MCCC2: variants seen among roughly 807,000 people sequenced by gnomAD.
The protein encoded by MCCC2 is methylcrotonyl-CoA carboxylase subunit 2, also known as methylcrotonoyl-CoA carboxylase beta chain, mitochondrial.
In MCCC2, 52 loss-of-function variants were observed where a neutral mutation model predicts 77.2. The ratio of observed to expected loss-of-function variants is 0.67; its 90% CI spans 0.54 to 0.85. MCCC2 has a LOEUF of 0.85. MCCC2 is among the 40% of genes least tolerant of loss of function. The pLI, the probability that MCCC2 is intolerant of heterozygous loss-of-function variation, is 0.00. For synonymous variants in MCCC2, 253 were observed against 248.4 expected (o/e 1.02, Z -0.18); for missense variants, 682 against 703.2 (o/e 0.97, Z 0.34).
chr5:71,655,276 C>T (rs898845190), intron 16 of MCCC2, among the ~76,000 whole-genome samples: 6 of 152,218 alleles, frequency 3.9e-5, no homozygotes, highest in African/African-American at 1.4e-4. Flanking sequence ...GTAAAATTCC[C>T]TGGCCTGCTT....
intron 8 of MCCC2, among the ~76,000 whole-genome samples, chr5:71,633,131 A>ATATATATTTTTTTTT (rs1554137344): frequency 7.7e-5 from 6 of 78,090 alleles, no homozygotes; most frequent in Admixed American, 1.7e-4. Context: ...ATATATATAT[A>ATATATATTTTTTTTT]TTTTTATTTT....
intron 6 of MCCC2, among the ~76,000 whole-genome samples, chr5:71,625,904 A>T (rs946786703): frequency 3.3e-5 from 5 of 152,242 alleles, no homozygotes; most frequent in Non-Finnish European, 4.4e-5. Flanking sequence ...ATGATAATTT[A>T]AAAAATATTC....
chr5:71,655,555 C>T (rs1033743524), intron 16 of MCCC2, among the ~76,000 whole-genome samples: 2 of 152,138 alleles, frequency 1.3e-5, no homozygotes, highest in Non-Finnish European at 2.9e-5. Context: ...AATCAATTCA[C>T]CTGGTTGCAG....
At chr5:71,631,545 T>C (rs1746713138) in intron 7 of MCCC2, among the ~76,000 whole-genome samples, 1 of 149,230 alleles carries the variant, frequency 6.7e-6, no homozygotes, top group African/African-American at 2.5e-5. Flanking sequence ...CTTCTTTTTT[T>C]TTTTTTTTTT....
intron 11 of MCCC2, among the ~76,000 whole-genome samples, chr5:71,642,893 C>T (rs1747165909): frequency 6.6e-6 from 1 of 151,968 alleles, no homozygotes; most frequent in African/African-American, 2.4e-5. Flanking sequence ...GTCCCAGCTG[C>T]TTGGGAGGCC....
At chr5:71,629,765 T>C (rs1746650209) in intron 7 of MCCC2, among the ~76,000 whole-genome samples, 1 of 150,668 alleles carries the variant, frequency 6.6e-6, no homozygotes, top group African/African-American at 2.4e-5. Flanking sequence ...TTATTATTAC[T>C]ATTATTATTT....
chr5:71,652,056 C>T (rs879420469), intron 15 of MCCC2, among the ~76,000 whole-genome samples: 7 of 152,072 alleles, frequency 4.6e-5, no homozygotes, highest in Admixed American at 2.6e-4. Flanking sequence ...TTTCTGCTGT[C>T]GAGTTGCTTT....
chr5:71,587,620 C>T (rs1310197207), intron 1 of MCCC2, 66 bp downstream of exon 1: 2 of 1,518,060 alleles, frequency 1.3e-6, no homozygotes, highest in East Asian at 2.5e-5. Context: ...AGGAGGGGCA[C>T]GCTTCAACAA....
chr5:71,633,127 A>T (rs868783675), intron 8 of MCCC2, among the ~76,000 whole-genome samples: 5,411 of 63,006 alleles, frequency 0.086, 503 homozygotes, highest in Non-Finnish European at 0.11. Flanking sequence ...ATATATATAT[A>T]TATATTTTTA....
At chr5:71,601,505 A>G (rs1745430921) in intron 4 of MCCC2, among the ~76,000 whole-genome samples, 1 of 152,212 alleles carries the variant, frequency 6.6e-6, no homozygotes, top group African/African-American at 2.4e-5. Flanking sequence ...CAGTGCAGAA[A>G]AAGGTTTTAT....
At chr5:71,599,570 G>T (rs1352677016) in intron 3 of MCCC2, 89 bp from the exon 4 acceptor site, 2 of 1,028,152 alleles carry the variant, frequency 1.9e-6, no homozygotes, top group Non-Finnish European at 3.0e-6. Flanking sequence ...GTCCCATTGA[G>T]GAAAAATCTT....
At chr5:71,592,454 C>T (rs1745018209) in intron 1 of MCCC2, among the ~76,000 whole-genome samples, 1 of 152,066 alleles carries the variant, frequency 6.6e-6, no homozygotes, top group African/African-American at 2.4e-5. Context: ...TTTAAGTGTA[C>T]TTTGTCAGTA....
intron 3 of MCCC2, among the ~76,000 whole-genome samples, chr5:71,597,343 AC>A: frequency 6.6e-6 from 1 of 152,258 alleles, no homozygotes; most frequent in Non-Finnish European, 1.5e-5. Flanking sequence ...TTTGGTTTTC[AC>A]CATGGGAGAA....
Position 71,649,187 on chromosome 5 carries a change from A to G in MCCC2, c.1307A>G (p.Lys436Arg), listed in dbSNP as rs907819443. The G allele has an allele frequency of 1.2e-6, 2 of 1,614,224 alleles. No individual in the cohort carries two copies. Among genetic ancestry groups the G allele is most frequent in the African/African-American group, 1.3e-5 (1 of 75,074 alleles). ...GCTGTGGCCTGTGCCCAAGTGCCTA[A>G]GATAACCCTCATCATTGGGGGCTCC... The part of the protein sequence containing the change: ...VAAVACAQVP[K>R]ITLIIGGSYG... Residue 436 changes from lysine to arginine, a missense_variant, in exon 14 of 17, where the codon AAG (lysine) becomes AGG (arginine). Coordinates refer to ENST00000340941, the MANE Select transcript of MCCC2 (RefSeq NM_022132.5).
chr5:71,613,726 A>G (rs1746052640), intron 6 of MCCC2, among the ~76,000 whole-genome samples: 1 of 152,066 alleles, frequency 6.6e-6, no homozygotes, highest in Non-Finnish European at 1.5e-5. Flanking sequence ...ACAGAATGAG[A>G]CACTGTCTCA....
At chr5:71,618,635 C>T (rs989310715) in intron 6 of MCCC2, among the ~76,000 whole-genome samples, 1 of 151,882 alleles carries the variant, frequency 6.6e-6, no homozygotes, top group African/African-American at 2.4e-5. Context: ...ATCCTCCCAC[C>T]TCAGCTTCCC....
chr5:71,613,711 G>C (rs924214847), intron 6 of MCCC2, among the ~76,000 whole-genome samples: 1 of 152,018 alleles, frequency 6.6e-6, no homozygotes, highest in African/African-American at 2.4e-5. Flanking sequence ...ACTTCAGCCT[G>C]AGTGACAGAA....
rs6891649 is a variant in MCCC2, at chr5:71,635,285, T to G, written c.999+39T>G. 5.4e-3 allele frequency: 8,341 copies of G among 1,550,180 alleles called. 401 individuals are homozygous for G. In the African/African-American group the frequency reaches 0.1, roughly 19 times the overall value. On this transcript the variant is annotated intron_variant, in intron 10 of 16. Transcript: ENST00000340941. ...GAACTGTGAGCTTTATGACCAGCTG[T>G]GAGTCTCTTTGTATGTGTATCTATT...
Position 71,656,886 on chromosome 5 carries a change from G to A in MCCC2, c.*26G>A. The A allele has an allele frequency of 6.4e-7, 1 of 1,552,998 alleles. No individual in the cohort carries two copies. The highest frequency in any genetic ancestry group is 8.9e-7 in the Non-Finnish European group (1 of 1,124,704). ...CTGGAATAAAGGATGTTTTCTGTTG[G>A]ACATGTACTGAAAATTAACACATGT... On this transcript the variant is annotated 3_prime_UTR_variant, in exon 17 of 17. Transcript: ENST00000340941.
Sources: allele counts gnomAD v4.1 joint callset (sites outside exome capture counted in the v4.1 genomes callset), GRCh38; gene constraint gnomAD v4.1.1; transcripts MANE v1.5; gene names NCBI Gene and HGNC (gene_info 2026-07-23, HGNC 2026-07-21).